CLNK: variants seen among roughly 807,000 people sequenced by gnomAD.
The protein encoded by CLNK is cytokine-dependent hematopoietic cell linker.
A neutral mutation model predicts 68.6 loss-of-function variants in CLNK; 74 were observed. That is an observed-to-expected ratio of 1.08 (90% CI 0.89 to 1.31). The LOEUF is 1.31. Among genes scored for constraint, CLNK ranks in the 50% most tolerant of loss-of-function variants. The pLI, the probability that CLNK is intolerant of heterozygous loss-of-function variation, is 0.00. For synonymous variants in CLNK, 198 were observed against 172.2 expected (o/e 1.15, Z -1.17); for missense variants, 553 against 515.3 (o/e 1.07, Z -0.71).
At chr4:10,521,394 T>C (rs1246085883) in intron 14 of CLNK, among the ~76,000 whole-genome samples, 1 of 152,134 alleles carries the variant, frequency 6.6e-6, no homozygotes, top group Non-Finnish European at 1.5e-5. Context: ...ATCAAGACTG[T>C]TCATCAGTGG....
At chr4:10,621,275 C>A (rs1222137010) in intron 2 of CLNK, among the ~76,000 whole-genome samples, 1 of 152,116 alleles carries the variant, frequency 6.6e-6, no homozygotes. Flanking sequence ...TAACAGGACA[C>A]CTCAGACAGG....
At chr4:10,729,386 C>T in the CLNK span, among the ~76,000 whole-genome samples, 1 of 152,084 alleles carries the variant, frequency 6.6e-6, no homozygotes, top group South Asian at 2.1e-4. Context: ...ACAAAACTAC[C>T]ATTTCATCTA....
chr4:10,720,103 A>G, the CLNK span, among the ~76,000 whole-genome samples: 1 of 152,190 alleles, frequency 6.6e-6, no homozygotes, highest in Non-Finnish European at 1.5e-5. Context: ...TGTTAAAAAA[A>G]TGAAGTCTGA....
intron 1 of CLNK, among the ~76,000 whole-genome samples, chr4:10,680,024 C>G (rs897421107): frequency 6.6e-6 from 1 of 152,094 alleles, no homozygotes; most frequent in African/African-American, 2.4e-5. Flanking sequence ...TGGATATATA[C>G]CCAAAGGATT....
chr4:10,543,456 G>A (rs1719114065), intron 8 of CLNK, among the ~76,000 whole-genome samples: 1 of 152,198 alleles, frequency 6.6e-6, no homozygotes, highest in Non-Finnish European at 1.5e-5. Context: ...AGACAAGGAG[G>A]TTGGACTAAA....
At chr4:10,504,305 A>G (rs1717193815) in intron 17 of CLNK, among the ~76,000 whole-genome samples, 1 of 151,790 alleles carries the variant, frequency 6.6e-6, no homozygotes, top group African/African-American at 2.4e-5. Context: ...TATTTTTAGT[A>G]GAGATGAGGT....
In CLNK at chr4:10,552,463, C is replaced by T. The variant is rs551633266; in HGVS notation, c.445+5944G>A. Among the ~76,000 whole-genome samples, 4 of 152,272 alleles carry T rather than the reference C, an allele frequency of 2.6e-5. No homozygotes were observed. The South Asian group carries it at 8.3e-4, about 32-fold the overall frequency. Reference sequence around the variant, plus strand: ...TGCAGATAACACCACTATTGTAGATCGGCCTTTGGAGATATCTTTCCCAGT... The same window carrying T: ...TGCAGATAACACCACTATTGTAGATTGGCCTTTGGAGATATCTTTCCCAGT... On this transcript the variant is annotated intron_variant, in intron 8 of 18. Coordinates refer to ENST00000226951, the MANE Select transcript of CLNK (RefSeq NM_052964.4).
chr4:10,687,548 G>A (rs1282078738), upstream of CLNK, among the ~76,000 whole-genome samples: 1 of 152,130 alleles, frequency 6.6e-6, no homozygotes, highest in South Asian at 2.1e-4. Context: ...GGGGAGAAGG[G>A]AAGGAGTAAA....
chr4:10,680,744 A>C (rs1007230108), intron 1 of CLNK, among the ~76,000 whole-genome samples: 8 of 152,172 alleles, frequency 5.3e-5, no homozygotes, highest in Non-Finnish European at 1.2e-4. Context: ...CATTTTATAA[A>C]GGATAAACAG....
At chr4:10,722,012 A>G in the CLNK span, among the ~76,000 whole-genome samples, 2 of 152,144 alleles carry the variant, frequency 1.3e-5, no homozygotes, top group Non-Finnish European at 2.9e-5. Flanking sequence ...CCCCATCTCT[A>G]CAAAAAATAC....
chr4:10,525,875 G>C lies in CLNK; in HGVS notation c.697C>G (p.Gln233Glu). The change falls in exon 14 of 19, where the codon CAA (glutamine) becomes GAA (glutamate). Residue 233 changes from glutamine to glutamate, a missense_variant. By Grantham distance (29) the Gln-to-Glu change is conservative. Transcript: ENST00000226951. ...KPESTHLLEN[Q>E]NTQEIPLAIS... ...GCAAGTGGAATCTCTTGAGTATTTT[G>C]GTTTTCTAACAGATGAGTTGATTCA... 2 of 1,583,694 alleles carry C rather than the reference G, an allele frequency of 1.3e-6. No homozygotes were observed. Among genetic ancestry groups the C allele is most frequent in the Non-Finnish European group, 1.7e-6 (2 of 1,163,142 alleles).
chr4:10,614,681 G>A (rs762131706), intron 2 of CLNK, among the ~76,000 whole-genome samples: 1 of 152,222 alleles, frequency 6.6e-6, no homozygotes, highest in Non-Finnish European at 1.5e-5. Context: ...GCACATTCAA[G>A]TTGGAGGAAG....
At chr4:10,512,497 C>A (rs1459400342) in intron 16 of CLNK, among the ~76,000 whole-genome samples, 1 of 151,968 alleles carries the variant, frequency 6.6e-6, no homozygotes, top group African/African-American at 2.4e-5. Context: ...TCCCAAAGTG[C>A]TGAGATTACA....
At chr4:10,505,215 A>C (rs546940777) in intron 17 of CLNK, among the ~76,000 whole-genome samples, 1 of 152,306 alleles carries the variant, frequency 6.6e-6, no homozygotes, top group East Asian at 1.9e-4. Context: ...AGAGGATAGG[A>C]AGGTCCTCAA....
At chr4:10,538,353 T>C (rs1216880409) in intron 11 of CLNK, among the ~76,000 whole-genome samples, 1 of 152,234 alleles carries the variant, frequency 6.6e-6, no homozygotes, top group Non-Finnish European at 1.5e-5. Flanking sequence ...GGTCTTGAAC[T>C]CCTTGCCACA....
chr4:10,681,898 G>A (rs1725105872), intron 1 of CLNK, among the ~76,000 whole-genome samples: 1 of 152,138 alleles, frequency 6.6e-6, no homozygotes, highest in Non-Finnish European at 1.5e-5. Context: ...TGTAAAGTAA[G>A]AATTAAGTAC....
intron 5 of CLNK, among the ~76,000 whole-genome samples, chr4:10,568,093 G>A (rs918343482): frequency 6.6e-6 from 1 of 152,206 alleles, no homozygotes; most frequent in Non-Finnish European, 1.5e-5. Flanking sequence ...CATGTTTATA[G>A]CAGTATTTTT....
intron 15 of CLNK, among the ~76,000 whole-genome samples, chr4:10,513,857 T>A (rs892047511): frequency 6.8e-6 from 1 of 147,256 alleles, no homozygotes; most frequent in Non-Finnish European, 1.5e-5. Context: ...TATTATTATT[T>A]TATTTTTTTT....
intron 2 of CLNK, among the ~76,000 whole-genome samples, chr4:10,627,916 C>A (rs1294939757): frequency 6.6e-6 from 1 of 152,162 alleles, no homozygotes; most frequent in Non-Finnish European, 1.5e-5. Flanking sequence ...CACTTCTTCC[C>A]CCTTCTGTCT....
Sources: allele counts gnomAD v4.1 joint callset (sites outside exome capture counted in the v4.1 genomes callset), GRCh38; gene constraint gnomAD v4.1.1; transcripts MANE v1.5; gene names NCBI Gene and HGNC (gene_info 2026-07-23, HGNC 2026-07-21).